TLR5: variants seen among roughly 807,000 people sequenced by gnomAD.
TLR5 encodes toll-like receptor 5.
For synonymous variants in TLR5, 373 were observed against 384.4 expected (o/e 0.97, Z 0.35); for missense variants, 944 against 999.8 (o/e 0.94, Z 0.75).
At chr1:223,140,268 T>C (rs569344151) in intron 2 of TLR5, among the ~76,000 whole-genome samples, 1 of 152,284 alleles carries the variant, frequency 6.6e-6, no homozygotes, top group African/African-American at 2.4e-5. Flanking sequence ...ATGGTCAGGC[T>C]GGGTGTGGTG....
intron 2 of TLR5, chr1:223,141,341 A>G (rs1251497820): frequency 6.6e-6 from 1 of 152,160 alleles, no homozygotes; most frequent in Non-Finnish European, 1.5e-5. Flanking sequence ...AGACAATGGC[A>G]CCTACATGCT....
intron 5 of TLR5, chr1:223,126,982 T>G (rs941219279): frequency 1.3e-5 from 2 of 152,248 alleles, no homozygotes; most frequent in Non-Finnish European, 2.9e-5. Context: ...CTTTCTTGAC[T>G]TCATTGCCTG....
At chr1:223,133,056 T>A (rs1322355854) in intron 4 of TLR5, among the ~76,000 whole-genome samples, 6 of 152,166 alleles carry the variant, frequency 3.9e-5, no homozygotes, top group Non-Finnish European at 8.8e-5. Flanking sequence ...CAGATAGAAC[T>A]AAGGTCACTA....
At chr1:223,142,122 C>T (rs945105549) in intron 1 of TLR5, among the ~76,000 whole-genome samples, 4 of 152,024 alleles carry the variant, frequency 2.6e-5, no homozygotes, top group South Asian at 2.1e-4. Context: ...TCTCAGAATT[C>T]GGAGGGGCTG....
chr1:223,111,014 G>A lies in TLR5; in HGVS notation c.2018C>T (p.Thr673Ile), dbSNP rs1356339025. ...GTCCTTGAACACCAGTCTCTGGGCTGTCTTATAACAGATAAAACAGAAGCC... is the reference window on the plus strand; with the variant it reads ...GTCCTTGAACACCAGTCTCTGGGCTATCTTATAACAGATAAAACAGAAGCC... The part of the protein sequence containing the change: ...FRGFCFICYK[T>I]AQRLVFKDHP... The change falls in exon 6 of 6, where the codon ACA becomes ATA. Residue 673 changes from threonine to isoleucine, a missense_variant. Physicochemically the swap from Thr to Ile is moderately conservative, Grantham distance 89. Coordinates refer to ENST00000642603, the MANE Select transcript of TLR5 (RefSeq NM_003268.6). 2 of 1,614,084 alleles carry A rather than the reference G, an allele frequency of 1.2e-6. No homozygotes were observed. The highest frequency in any genetic ancestry group is 1.3e-5 in the African/African-American group (1 of 74,940).
chr1:223,125,785 T>A (rs1245895692), intron 5 of TLR5, among the ~76,000 whole-genome samples: 1 of 152,316 alleles, frequency 6.6e-6, no homozygotes, highest in African/African-American at 2.4e-5. Flanking sequence ...CAGGAGACTT[T>A]AAAAAATTAC....
At chr1:223,119,378 T>G (rs1214463951) in intron 5 of TLR5, among the ~76,000 whole-genome samples, 1 of 152,148 alleles carries the variant, frequency 6.6e-6, no homozygotes, top group African/African-American at 2.4e-5. Flanking sequence ...ATGCAACTAC[T>G]GTGTCAATCT....
Position 223,112,269 on chromosome 1 carries a change from C to T in TLR5, c.763G>A (p.Ala255Thr), listed in dbSNP as rs765010727. ...TGGTGGGCAAGAATCAAAGAGAAGG[C>T]CTGGCTTTTGCTGATGGCATTGCTA... The part of the protein sequence containing the change: ...NFSNAISKSQ[A>T]FSLILAHHIM... The change falls in exon 6 of 6, where the codon GCC becomes ACC. Residue 255 changes from alanine to threonine, a missense_variant. Transcript: ENST00000642603. 3 of 1,614,174 alleles carry T rather than the reference C, an allele frequency of 1.9e-6. No homozygotes were observed. The highest frequency in any genetic ancestry group is 1.7e-5 in the Admixed American group (1 of 60,028).
At position 223,112,169 on chromosome 1, in the gene TLR5, C is replaced by T. The variant is rs750116246; in HGVS notation, c.863G>A (p.Ser288Asn). The stretch of plus-strand genomic sequence containing the variant: ...TGAAAGATCCAGGTGTCTCACTGAA[C>T]TTCTGGCCAGGCCAGCAAATGTGTT... ...DQNTFAGLAR[S>N]SVRHLDLSHG... is the part of the protein sequence containing the mutation. Residue 288 changes from serine to asparagine, a missense_variant, in exon 6 of 6, where the codon AGT becomes AAT. Ser to Asn is a conservative substitution (Grantham distance 46). Coordinates refer to ENST00000642603, the MANE Select transcript of TLR5 (RefSeq NM_003268.6). The T allele has an allele frequency of 2.5e-6, 4 of 1,614,006 alleles. No individual in the cohort carries two copies. The East Asian group carries it at 8.9e-5, about 36-fold the overall frequency.
At chr1:223,114,904 G>A (rs569815602) in intron 5 of TLR5, among the ~76,000 whole-genome samples, 19 of 152,210 alleles carry the variant, frequency 1.2e-4, no homozygotes, top group Non-Finnish European at 2.6e-4. Flanking sequence ...CCCTCAGCAA[G>A]TCCTGTTGGT....
At chr1:223,117,288 C>T (rs1212911779) in intron 5 of TLR5, among the ~76,000 whole-genome samples, 7 of 152,008 alleles carry the variant, frequency 4.6e-5, no homozygotes, top group Admixed American at 4.6e-4. Flanking sequence ...CCCGTGAGCA[C>T]CCCAGCCCTG....
chr1:223,135,477 A>G (rs899434322), intron 3 of TLR5, among the ~76,000 whole-genome samples: 1 of 152,202 alleles, frequency 6.6e-6, no homozygotes, highest in Non-Finnish European at 1.5e-5. Flanking sequence ...ACATGAGACC[A>G]TGGCAAAAAT....
chr1:223,122,794 C>A (rs1298137213), intron 5 of TLR5, among the ~76,000 whole-genome samples: 1 of 152,210 alleles, frequency 6.6e-6, no homozygotes, highest in East Asian at 1.9e-4. Flanking sequence ...ACATTTGCAT[C>A]ACAAACCAAA....
intron 5 of TLR5, among the ~76,000 whole-genome samples, chr1:223,114,787 C>G (rs1456910825): frequency 6.6e-6 from 1 of 152,162 alleles, no homozygotes; most frequent in East Asian, 1.9e-4. Context: ...CTGAATTTCT[C>G]CCCCATCTCA....
intron 5 of TLR5, among the ~76,000 whole-genome samples, chr1:223,121,052 C>T (rs1292025595): frequency 6.6e-6 from 1 of 152,204 alleles, no homozygotes; most frequent in Non-Finnish European, 1.5e-5. Context: ...CACTGCACTC[C>T]AGCCTGGGCG....
intron 3 of TLR5, among the ~76,000 whole-genome samples, chr1:223,135,440 C>A (rs1361003639): frequency 6.6e-6 from 1 of 152,178 alleles, no homozygotes; most frequent in African/African-American, 2.4e-5. Context: ...TTGGCTCCAA[C>A]TTGCTAGTGG....
intron 3 of TLR5, among the ~76,000 whole-genome samples, chr1:223,136,079 G>T (rs538048358): frequency 6.6e-6 from 1 of 152,276 alleles, no homozygotes; most frequent in East Asian, 1.9e-4. Context: ...TTAGGTTGGG[G>T]ACACAAAGTC....
rs115363332 is a variant in TLR5, at chr1:223,115,551, T to C, written c.-4-2516A>G. Among the ~76,000 whole-genome samples, 1,097 of 152,310 alleles carry C rather than the reference T, an allele frequency of 7.2e-3. 12 individuals carry two copies. Among genetic ancestry groups the C allele is most frequent in the African/African-American group, 0.025 (1,051 of 41,564 alleles). ...CAAACATGAGCCAGCACACCAAGCC[T>C]CAGGCATTGTTTTAGGAGCTGGAGA... On this transcript the variant is annotated intron_variant, in intron 5 of 5. Transcript: ENST00000642603.
In TLR5 at chr1:223,110,721, C is replaced by T. The variant is rs1656274715; in HGVS notation, c.2311G>A (p.Ala771Thr). 5 of 1,614,058 alleles carry T rather than the reference C, an allele frequency of 3.1e-6. No individual in the cohort carries two copies. The African/African-American group carries it at 6.7e-5, about 22-fold the overall frequency. ...HFLRDGWCLEAFSYAQGRCLS... is the reference protein window; with the variant it reads ...HFLRDGWCLETFSYAQGRCLS... ...CACCTGCCCTGGGCATAACTGAAGG[C>T]TTCAAGGCACCAGCCATCTCTAAGG... Residue 771 changes from alanine (A) to threonine (T), a missense_variant, in exon 6 of 6, where the codon GCC becomes ACC. Physicochemically the swap from Ala to Thr is moderately conservative, Grantham distance 58 (BLOSUM62 0). Coordinates refer to ENST00000642603, the MANE Select transcript of TLR5 (RefSeq NM_003268.6).
Sources: gnomAD v4.1 joint callset for allele counts (sites outside exome capture counted in the v4.1 genomes callset) on GRCh38, gnomAD v4.1.1 for gene constraint, MANE v1.5 for transcripts, NCBI Gene and HGNC (gene_info 2026-07-23, HGNC 2026-07-21) for gene names.